CNTNAP5: variants seen among roughly 807,000 people sequenced by gnomAD.
The protein encoded by CNTNAP5 is contactin associated protein family member 5, also known as contactin-associated protein-like 5.
In CNTNAP5, 72 loss-of-function variants were observed where a neutral mutation model predicts 150.2. The ratio of observed to expected loss-of-function variants is 0.48; its 90% CI spans 0.40 to 0.58. CNTNAP5 has a LOEUF of 0.58. CNTNAP5 is among the 20% of genes least tolerant of loss of function. CNTNAP5 has a pLI of 0.00. For synonymous variants in CNTNAP5, 672 were observed against 619.8 expected, an observed-to-expected ratio of 1.08 and a Z score of -1.25; for missense variants, 1,636 against 1,626.2, an observed-to-expected ratio of 1.01 and a Z score of -0.10.
chr2:124,219,003 G>A (rs1344369955), intron 1 of CNTNAP5, among the ~76,000 whole-genome samples: 2 of 152,056 alleles, frequency 1.3e-5, no homozygotes, highest in African/African-American at 4.8e-5. Flanking sequence ...ATAAATATTG[G>A]TTGGACTGAA....
chr2:124,812,112 T>C (rs1377677938), intron 19 of CNTNAP5, among the ~76,000 whole-genome samples: 1 of 96,688 alleles, frequency 1.0e-5, no homozygotes, highest in African/African-American at 3.6e-5. Flanking sequence ...TATATTTATA[T>C]ATTATATAAT....
intron 1 of CNTNAP5, among the ~76,000 whole-genome samples, chr2:124,168,520 C>T (rs1381774198): frequency 6.6e-6 from 1 of 152,148 alleles, no homozygotes; most frequent in Non-Finnish European, 1.5e-5. Context: ...AGAGTTGGAG[C>T]AAACCTGCTC....
At chr2:124,565,793 G>T (rs1696010200) in intron 11 of CNTNAP5, among the ~76,000 whole-genome samples, 1 of 151,858 alleles carries the variant, frequency 6.6e-6, no homozygotes, top group Non-Finnish European at 1.5e-5. Flanking sequence ...TAGAGACGGG[G>T]TTTCACCGTG....
At chr2:124,698,124 G>C (rs758660461) in intron 13 of CNTNAP5, among the ~76,000 whole-genome samples, 1 of 152,098 alleles carries the variant, frequency 6.6e-6, no homozygotes, top group Non-Finnish European at 1.5e-5. Flanking sequence ...AAAGGGGTAT[G>C]ATCTGCTCAG....
intron 1 of CNTNAP5, among the ~76,000 whole-genome samples, chr2:124,165,767 A>G (rs1448393923): frequency 1.3e-5 from 2 of 152,150 alleles, no homozygotes; most frequent in Non-Finnish European, 2.9e-5. Context: ...CAGAATCTGG[A>G]GGGATCTGTC....
At chr2:124,814,912 G>A (rs993487341) in intron 19 of CNTNAP5, among the ~76,000 whole-genome samples, 2 of 152,132 alleles carry the variant, frequency 1.3e-5, no homozygotes, top group South Asian at 2.1e-4. Flanking sequence ...GGGGAAAAAC[G>A]TGATCAAGTC....
intron 1 of CNTNAP5, among the ~76,000 whole-genome samples, chr2:124,034,185 T>G (rs1252230444): frequency 6.6e-6 from 1 of 152,220 alleles, no homozygotes; most frequent in African/African-American, 2.4e-5. Flanking sequence ...TGTGAATATG[T>G]TCTGTGTATA....
At chr2:124,476,140 C>A (rs894675584) in intron 7 of CNTNAP5, among the ~76,000 whole-genome samples, 1 of 151,994 alleles carries the variant, frequency 6.6e-6, no homozygotes, top group East Asian at 1.9e-4. Context: ...AACCTAATTT[C>A]CATTGACATC....
chr2:124,310,679 G>C (rs2104656818), intron 3 of CNTNAP5, among the ~76,000 whole-genome samples: 1 of 152,120 alleles, frequency 6.6e-6, no homozygotes, highest in African/African-American at 2.4e-5. Flanking sequence ...GTTGTCAAAG[G>C]CCCCGTGGGA....
rs567350734 is a variant in CNTNAP5, at chr2:124,683,452, G to A, written c.2077+35494G>A. On this transcript the variant is annotated intron_variant, in intron 13 of 23. Transcript: ENST00000682447. ...TTTGGTTTCATGGATAAGTTTTTTG[G>A]TGGTTATTTATGAGATTTTATGGCA... Among the ~76,000 whole-genome samples, 5 of 152,050 alleles carry A rather than the reference G, an allele frequency of 3.3e-5. No homozygotes were observed. The East Asian group carries it at 9.7e-4, about 29-fold the overall frequency.
intron 11 of CNTNAP5, among the ~76,000 whole-genome samples, chr2:124,580,549 G>A (rs59729344): frequency 0.16 from 23,798 of 152,192 alleles, 3,023 homozygotes; most frequent in East Asian, 0.61. Context: ...TTCACGAATC[G>A]TTCTTTGCTC....
At chr2:124,408,398 T>G (rs1573973204) in intron 3 of CNTNAP5, among the ~76,000 whole-genome samples, 1 of 152,304 alleles carries the variant, frequency 6.6e-6, no homozygotes, top group South Asian at 2.1e-4. Context: ...CAAGGAGGCC[T>G]GCCTGCCTCT....
At position 124,902,869 on chromosome 2, in the gene CNTNAP5, T is replaced by A. The variant is rs558730922; in HGVS notation, c.3437-13T>A. ...AAAAAGTAAAGGACTTCTGATTATC[T>A]TTTACATTGCAGAGAATCTTGGTTT... On this transcript the variant is annotated splice_polypyrimidine_tract_variant and intron_variant, in intron 21 of 23. Coordinates refer to ENST00000682447, the MANE Select transcript of CNTNAP5 (RefSeq NM_001367498.1). 5.0e-6 allele frequency: 8 copies of A among 1,589,666 alleles called. No homozygotes were observed. The South Asian group carries it at 7.8e-5, about 16-fold the overall frequency.
chr2:124,719,451 G>T (rs538495266), intron 13 of CNTNAP5, among the ~76,000 whole-genome samples: 180 of 152,258 alleles, frequency 1.2e-3, no homozygotes, highest in African/African-American at 4.0e-3. Flanking sequence ...AAGAACAGCT[G>T]AACCGAGTAG....
At chr2:124,496,278 C>A (rs949261968) in intron 7 of CNTNAP5, among the ~76,000 whole-genome samples, 1 of 152,192 alleles carries the variant, frequency 6.6e-6, no homozygotes, top group African/African-American at 2.4e-5. Flanking sequence ...CTTTTCCCTA[C>A]ATTTGCTGAC....
At chr2:124,659,052 T>A (rs77611984) in intron 13 of CNTNAP5, among the ~76,000 whole-genome samples, 6,820 of 152,262 alleles carry the variant, frequency 0.045, 498 homozygotes, top group African/African-American at 0.16. Context: ...TTAGATGAGG[T>A]ACTCACCATC....
At chr2:124,111,847 A>C (rs1226441065) in intron 1 of CNTNAP5, among the ~76,000 whole-genome samples, 1 of 152,116 alleles carries the variant, frequency 6.6e-6, no homozygotes, top group African/African-American at 2.4e-5. Context: ...GTGTCACTAC[A>C]CTGTATCTAT....
chr2:124,149,243 C>T (rs1344954407), intron 1 of CNTNAP5, among the ~76,000 whole-genome samples: 1 of 151,756 alleles, frequency 6.6e-6, no homozygotes, highest in African/African-American at 2.4e-5. Context: ...TTTTGGGTCC[C>T]TATATCTTAT....
intron 10 of CNTNAP5, among the ~76,000 whole-genome samples, chr2:124,546,998 A>G (rs1695527165): frequency 1.3e-5 from 2 of 152,130 alleles, no homozygotes; most frequent in Non-Finnish European, 2.9e-5. Context: ...ATATGTGTAA[A>G]TATTTAGGGA....
Sources: allele counts gnomAD v4.1 joint callset (sites outside exome capture counted in the v4.1 genomes callset), GRCh38; gene constraint gnomAD v4.1.1; transcripts MANE v1.5; gene names NCBI Gene and HGNC (gene_info 2026-07-23, HGNC 2026-07-21).